MAP3K15: variants seen among roughly 807,000 people sequenced by gnomAD.
The protein encoded by MAP3K15 is mitogen-activated protein kinase kinase kinase 15, also known as MAPK/ERK kinase kinase 15.
In MAP3K15, 124 loss-of-function variants were observed where a neutral mutation model predicts 99.5. The ratio of observed to expected loss-of-function variants is 1.25; its 90% CI spans 1.08 to 1.45. The LOEUF is 1.45. Among genes scored for constraint, MAP3K15 ranks in the 40% most tolerant of loss-of-function variants. MAP3K15 has a pLI of 0.00. For synonymous variants in MAP3K15, 494 were observed against 439.6 expected, an observed-to-expected ratio of 1.12 and a Z score of -1.55; for missense variants, 1,242 against 1,079.7, an observed-to-expected ratio of 1.15 and a Z score of -2.11.
rs1195781427 is a variant in MAP3K15 at position 19,420,177 on chromosome X, A to T, written c.1440-4920T>A. ...TTCAAAAGCTAGCAGAAGGCAAGAA[A>T]TAACTAAGATCAGAGCAGAACTGAA... On this transcript the variant is annotated intron_variant, in intron 9 of 28. Coordinates refer to ENST00000338883, the MANE Select transcript of MAP3K15 (RefSeq NM_001001671.4). 1.3e-4 allele frequency among the ~76,000 whole-genome samples: 14 copies of T among 111,777 alleles called. No homozygotes were observed. The Admixed American group carries it at 1.3e-3, about 11-fold the overall frequency.
rs772440634 is a variant in MAP3K15, at chrX:19,398,318, C to T, written c.1974G>A (p.Leu658=). 8.3e-7 allele frequency: 1 copy of T among 1,211,130 alleles called. No individual in the cohort carries two copies. Among genetic ancestry groups the T allele is most frequent in the Non-Finnish European group, 1.1e-6 (1 of 895,128 alleles). The change falls in exon 15 of 29, where the codon TTG becomes TTA. Residue 658 remains leucine, a synonymous_variant. Transcript: ENST00000338883. ...DHDANGERVV[L]GKGTYGIVYA... ...ACACAATCCCATACGTGCCTTTCCC[C>T]AAGACAACTCTCTCACCATTTGCAT...
At chrX:19,450,403 C>T (rs1675367157) in intron 6 of MAP3K15, among the ~76,000 whole-genome samples, 1 of 108,787 alleles carries the variant, frequency 9.2e-6, no homozygotes. Flanking sequence ...CTGGCAATTC[C>T]AAAGAAAAAA....
chrX:19,465,198 T>A (rs1341359245), intron 3 of MAP3K15, among the ~76,000 whole-genome samples: 1 of 111,008 alleles, frequency 9.0e-6, no homozygotes, highest in Non-Finnish European at 1.9e-5. Context: ...CTGGCCTAAA[T>A]TTCGTATTTT....
intron 11 of MAP3K15, among the ~76,000 whole-genome samples, chrX:19,410,858 C>T (rs1053697022): frequency 2.2e-4 from 24 of 111,480 alleles, no homozygotes; most frequent in African/African-American, 7.5e-4. Context: ...ATCAATACAT[C>T]ACAATTGCAG....
intron 18 of MAP3K15, 150 bp from the exon 19 acceptor site, chrX:19,380,427 C>T (rs1285152140): frequency 2.0e-5 from 11 of 544,887 alleles, no homozygotes; most frequent in Non-Finnish European, 3.1e-5. Flanking sequence ...AAGACCTTGT[C>T]TCAAAAACAA....
In MAP3K15 at chrX:19,420,741, T is replaced by C. The variant is rs1220871542; in HGVS notation, c.1439+4790A>G. Among the ~76,000 whole-genome samples, 3 of 111,523 alleles carry C rather than the reference T, an allele frequency of 2.7e-5. 1 individual carries two copies. The highest frequency in any genetic ancestry group is 5.6e-5 in the Non-Finnish European group (3 of 53,099). On this transcript the variant is annotated intron_variant, in intron 9 of 28. Transcript: ENST00000338883. The stretch of plus-strand genomic sequence containing the variant: ...CAGAGACACAACCAAAAAAGAGAAT[T>C]TTAGACCAATATCCTTGATGAACAT...
At chrX:19,448,768 A>G (rs948662505) in intron 6 of MAP3K15, among the ~76,000 whole-genome samples, 5 of 109,815 alleles carry the variant, frequency 4.6e-5, no homozygotes, top group African/African-American at 1.6e-4. Flanking sequence ...AGTTCAGACT[A>G]TCATTGGAGA....
intron 3 of MAP3K15, among the ~76,000 whole-genome samples, chrX:19,465,486 C>T (rs773126993): frequency 9.1e-6 from 1 of 109,377 alleles, no homozygotes; most frequent in East Asian, 2.9e-4. Flanking sequence ...TGGCTCACGC[C>T]TGTAATCCCA....
At position 19,418,210 on chromosome X, in the gene MAP3K15, A is replaced by G. The variant is rs1271000991; in HGVS notation, c.1440-2953T>C. On this transcript the variant is annotated intron_variant, in intron 9 of 28. Transcript: ENST00000338883. The stretch of plus-strand genomic sequence containing the variant: ...GGACGGAGAATGACTTTGACGAGTT[A>G]AGAGAAGAAGACTTCAGACAATCAA... 2.7e-5 allele frequency among the ~76,000 whole-genome samples: 3 copies of G among 111,737 alleles called. No individual in the cohort carries two copies. The East Asian group carries it at 8.4e-4, about 31-fold the overall frequency.
intron 1 of MAP3K15, among the ~76,000 whole-genome samples, chrX:19,502,763 G>A (rs776848586): frequency 1.2e-4 from 13 of 111,895 alleles, no homozygotes; most frequent in East Asian, 2.8e-4. Flanking sequence ...TGGAGGTTGC[G>A]GCGAGCCAAG....
chrX:19,492,675 A>G (rs907810707), intron 1 of MAP3K15, among the ~76,000 whole-genome samples: 1 of 111,894 alleles, frequency 8.9e-6, no homozygotes, highest in Non-Finnish European at 1.9e-5. Flanking sequence ...ATTAAAAATT[A>G]TATGTTTCAG....
chrX:19,420,684 G>C (rs2063776907), intron 9 of MAP3K15, among the ~76,000 whole-genome samples: 1 of 111,608 alleles, frequency 9.0e-6, no homozygotes, highest in African/African-American at 3.3e-5. Flanking sequence ...CTCATTTTAT[G>C]AGGCCAGCAT....
intron 4 of MAP3K15, among the ~76,000 whole-genome samples, chrX:19,462,107 A>G (rs1371012189): frequency 9.0e-6 from 1 of 111,291 alleles, no homozygotes; most frequent in Non-Finnish European, 1.9e-5. Context: ...AGAGTAAGCT[A>G]AATTTAATAA....
intron 6 of MAP3K15, among the ~76,000 whole-genome samples, chrX:19,440,291 T>C (rs778543373): frequency 8.9e-6 from 1 of 111,906 alleles, no homozygotes; most frequent in South Asian, 3.8e-4. Context: ...CTACATTAAG[T>C]TTCTTCTATT....
chrX:19,411,808 G>A (rs2063690803), intron 11 of MAP3K15, among the ~76,000 whole-genome samples: 1 of 111,809 alleles, frequency 8.9e-6, no homozygotes, highest in East Asian at 2.8e-4. Context: ...TATGGCTACA[G>A]TGGAGTGAGC....
At chrX:19,367,726 T>A (rs1015705522) in intron 25 of MAP3K15, among the ~76,000 whole-genome samples, 57 of 38,961 alleles carry the variant, frequency 1.5e-3, no homozygotes, top group African/African-American at 0.014. Context: ...ACTATGGATT[T>A]TTTTTTTTTT....
intron 6 of MAP3K15, among the ~76,000 whole-genome samples, chrX:19,450,376 G>A (rs1424181468): frequency 5.6e-5 from 6 of 107,913 alleles, no homozygotes; most frequent in Non-Finnish European, 1.2e-4. Flanking sequence ...GAGAGGAGAC[G>A]AAAAAAATAA....
intron 6 of MAP3K15, among the ~76,000 whole-genome samples, chrX:19,453,654 A>C (rs2064073066): frequency 9.0e-6 from 1 of 111,331 alleles, no homozygotes. Flanking sequence ...AAGGATTTGG[A>C]CTAAATGATT....
intron 14 of MAP3K15, among the ~76,000 whole-genome samples, chrX:19,399,739 CAAAAAAAAAAAA>C (rs777947449): frequency 2.8e-5 from 1 of 35,500 alleles, no homozygotes; most frequent in Non-Finnish European, 6.7e-5. Context: ...ACTCTGTTTC[CAAAAAAAAAAAA>C]AAAAAAAAAA....
Sources: gnomAD v4.1 joint callset for allele counts (sites outside exome capture counted in the v4.1 genomes callset) on GRCh38, gnomAD v4.1.1 for gene constraint, MANE v1.5 for transcripts, NCBI Gene and HGNC (gene_info 2026-07-23, HGNC 2026-07-21) for gene names.